The following EIF3M variants were observed in gnomAD, a reference collection of about 807,000 sequenced individuals.
EIF3M encodes B5 receptor.
In EIF3M, 25 loss-of-function variants were observed where a neutral mutation model predicts 49.7. The observed-to-expected ratio is 0.50, with a 90% CI of 0.37 to 0.70. EIF3M has a LOEUF of 0.70. EIF3M is among the 30% of genes least tolerant of loss of function. EIF3M has a pLI of 0.00. For missense variants in EIF3M, 350 were observed against 440.0 expected (o/e 0.80, Z 1.83); for synonymous variants, 156 against 149.8 (o/e 1.04, Z -0.30).
At chr11:32,587,176 A>C (rs1855014500) in intron 2 of EIF3M, 32 bp downstream of exon 2, 1 of 1,532,250 alleles carries the variant, frequency 6.5e-7, no homozygotes, top group African/African-American at 1.4e-5. Flanking sequence ...AATATTTCCT[A>C]ATAAAATCTT....
Position 32,602,663 on chromosome 11 carries a change from G to T in EIF3M, c.*264G>T, listed in dbSNP as rs1855288648. 1.3e-6 allele frequency: 1 copy of T among 773,164 alleles called. No individual in the cohort carries two copies. The highest frequency in any genetic ancestry group is 2.0e-6 in the Non-Finnish European group (1 of 494,790). The allele number at this position is 773,164 out of a possible 1,614,324, so 47.9% of individuals were successfully genotyped here. A position where few individuals can be genotyped will look rare whatever the true frequency, so the allele number is the denominator to read the frequency against. ...GATAATATACAGAGAGAAGACAGAAGTAGAGTAATACAATTTCTTCACATT... is the reference window on the plus strand; with the variant it reads ...GATAATATACAGAGAGAAGACAGAATTAGAGTAATACAATTTCTTCACATT... On this transcript the variant is annotated 3_prime_UTR_variant, in exon 11 of 11. Transcript: ENST00000531120.
chr11:32,585,843 T>G (rs199918045), intron 1 of EIF3M, among the ~76,000 whole-genome samples: 2 of 11,822 alleles, frequency 1.7e-4, no homozygotes, highest in African/African-American at 1.0e-3. Context: ...TGGCTTTGAA[T>G]TTTTTTTTTT....
chr11:32,592,635 C>T, intron 5 of EIF3M: 1 of 511,008 alleles, frequency 2.0e-6, no homozygotes, highest in Non-Finnish European at 3.8e-6. Context: ...TTGGGGGTCT[C>T]TGATTACCAC....
In EIF3M at chr11:32,587,839, T is replaced by G. The variant is rs565373749; in HGVS notation, c.175+695T>G. ...TTTAGAGATCAAACTTGGATGCTGATTTCGGCAGCACATATACAAAAAAAT... is the reference window on the plus strand; with the variant it reads ...TTTAGAGATCAAACTTGGATGCTGAGTTCGGCAGCACATATACAAAAAAAT... On this transcript the variant is annotated intron_variant, in intron 2 of 10. Transcript: ENST00000531120. 6.6e-5 allele frequency among the ~76,000 whole-genome samples: 10 copies of G among 152,322 alleles called. No homozygotes were observed. The East Asian group carries it at 1.3e-3, about 21-fold the overall frequency.
At chr11:32,589,733 CT>C in intron 5 of EIF3M, 92 bp downstream of exon 5, 1 of 1,099,712 alleles carries the variant, frequency 9.1e-7, no homozygotes. Flanking sequence ...AGTAATTTTG[CT>C]TTACTCTGTT....
intron 5 of EIF3M, chr11:32,592,167 A>G: frequency 2.9e-6 from 1 of 349,106 alleles, no homozygotes; most frequent in South Asian, 2.4e-5. Flanking sequence ...CCCATGGCCA[A>G]AACTACCATC....
In EIF3M at chr11:32,583,919, A is replaced by C; in HGVS notation, c.32A>C (p.Glu11Ala). Residue 11 changes from glutamate to alanine, a missense_variant, in exon 1 of 11, where the codon GAA (glutamate) becomes GCA (alanine). By Grantham distance (107) the Glu-to-Ala change is moderately radical (BLOSUM62 -1). Transcript: ENST00000531120. The part of the protein sequence containing the change: MSVPAFIDIS[E>A]EDQAAELRAY... ...GTCCCGGCCTTCATCGACATCAGTGAAGAAGATCAGGTGTGCTTCGGTCTA... is the reference window on the plus strand; with the variant it reads ...GTCCCGGCCTTCATCGACATCAGTGCAGAAGATCAGGTGTGCTTCGGTCTA... 1 of 1,613,914 alleles carries C rather than the reference A, an allele frequency of 6.2e-7. No individual in the cohort carries two copies. Among genetic ancestry groups the C allele is most frequent in the Non-Finnish European group, 8.5e-7 (1 of 1,179,862 alleles).
At chr11:32,596,489 A>G (rs1251424349) in intron 8 of EIF3M, among the ~76,000 whole-genome samples, 5 of 151,230 alleles carry the variant, frequency 3.3e-5, no homozygotes, top group African/African-American at 9.7e-5. Flanking sequence ...CAGCTACTTG[A>G]GAGGCTGAGG....
chr11:32,586,090 A>G (rs560604351), intron 1 of EIF3M, among the ~76,000 whole-genome samples: 2 of 152,152 alleles, frequency 1.3e-5, no homozygotes, highest in Non-Finnish European at 2.9e-5. Flanking sequence ...TTAGCTGGGC[A>G]TGGTGGCGCA....
intron 6 of EIF3M, 100 bp from the exon 7 acceptor site, chr11:32,594,814 A>T: frequency 1.0e-6 from 1 of 992,988 alleles, no homozygotes; most frequent in Non-Finnish European, 1.5e-6. Context: ...TTGGACTGTT[A>T]GATATTTTGC....
At chr11:32,584,913 CT>C (rs1220539129) in intron 1 of EIF3M, among the ~76,000 whole-genome samples, 3 of 152,198 alleles carry the variant, frequency 2.0e-5, no homozygotes, top group Non-Finnish European at 2.9e-5. Context: ...ACATCGTATT[CT>C]TTAAGTTAAT....
At chr11:32,587,435 A>G (rs1368381370) in intron 2 of EIF3M, among the ~76,000 whole-genome samples, 1 of 152,252 alleles carries the variant, frequency 6.6e-6, no homozygotes, top group Admixed American at 6.5e-5. Flanking sequence ...TGTTGGAAAC[A>G]TTCAACAGTT....
chr11:32,587,223 T>C (rs1416465897), intron 2 of EIF3M, 79 bp downstream of exon 2: 31 of 1,382,354 alleles, frequency 2.2e-5, no homozygotes, highest in Non-Finnish European at 3.0e-5. Context: ...TCGTCCCTCA[T>C]TATCTGAGGC....
Position 32,588,388 on chromosome 11 carries a change from G to GAA in EIF3M, c.176-184_176-183dup, listed in dbSNP as rs71463359. 5.8e-3 allele frequency among the ~76,000 whole-genome samples: 541 copies of GAA among 92,972 alleles called. 7 individuals carry two copies. The highest frequency in any genetic ancestry group is 0.02 in the African/African-American group (491 of 25,038). The allele number at this position is 92,972 out of a possible 152,430, so 61.0% of individuals were successfully genotyped here. A position where few individuals can be genotyped will look rare whatever the true frequency, so the allele number is the denominator to read the frequency against. On this transcript the variant is annotated intron_variant, in intron 2 of 10. Coordinates refer to ENST00000531120, the MANE Select transcript of EIF3M (RefSeq NM_006360.6). ...TGGGCAAGAGAGCAAGACTTCATCTGAAAAAAAAAAAAAAAAAAAAAAAGA... is the reference window on the plus strand; with the variant it reads ...TGGGCAAGAGAGCAAGACTTCATCTGAAAAAAAAAAAAAAAAAAAAAAAAAGA...
chr11:32,598,184 C>T (rs1855208490), intron 8 of EIF3M, among the ~76,000 whole-genome samples: 1 of 152,172 alleles, frequency 6.6e-6, no homozygotes, highest in South Asian at 2.1e-4. Context: ...CACTTTGACA[C>T]TCCCCCATTG....
chr11:32,595,189 C>T (rs189116811), intron 7 of EIF3M, among the ~76,000 whole-genome samples, 176 bp downstream of exon 7: 1 of 152,008 alleles, frequency 6.6e-6, no homozygotes. Context: ...AGCTTTTCTT[C>T]ATCCACTGAG....
intron 8 of EIF3M, 127 bp downstream of exon 8, chr11:32,596,174 A>T: frequency 1.6e-6 from 1 of 638,542 alleles, no homozygotes; most frequent in East Asian, 3.1e-5. Flanking sequence ...GGAGTCGTGT[A>T]TGATAGAACA....
At chr11:32,599,827 T>G (rs1855234154) in intron 8 of EIF3M, among the ~76,000 whole-genome samples, 1 of 151,920 alleles carries the variant, frequency 6.6e-6, no homozygotes, top group Admixed American at 6.6e-5. Context: ...GCACTGCTAT[T>G]TTTTGACTAT....
rs1485018084 is a variant in EIF3M, at chr11:32,602,944, C to G, written c.*545C>G. On this transcript the variant is annotated 3_prime_UTR_variant, in exon 11 of 11. Coordinates refer to ENST00000531120, the MANE Select transcript of EIF3M (RefSeq NM_006360.6). ...AATGAGGCTCTGCCAGTCATCATCA[C>G]CAGAAGTATTTTTAGTCGTCTTGAT... is the stretch of plus-strand genomic sequence containing the variant. 3.1e-6 allele frequency: 5 copies of G among 1,613,350 alleles called. No homozygotes were observed. The highest frequency in any genetic ancestry group is 4.2e-6 in the Non-Finnish European group (5 of 1,179,714).
Sources: allele counts gnomAD v4.1 joint callset (sites outside exome capture counted in the v4.1 genomes callset), GRCh38; gene constraint gnomAD v4.1.1; transcripts MANE v1.5; gene names NCBI Gene and HGNC (gene_info 2026-07-23, HGNC 2026-07-21).